Variants in CTNNA2 observed in about 807,000 individuals in gnomAD.
CTNNA2 encodes the protein catenin alpha 2.
A neutral mutation model predicts 101.0 loss-of-function variants in CTNNA2; 42 were observed. The observed-to-expected ratio is 0.42, with a 90% confidence interval of 0.32 to 0.54. The LOEUF is 0.54. Among genes scored for constraint, CTNNA2 ranks in the 20% least tolerant of loss-of-function variants. The pLI is 0.14. For missense variants in CTNNA2, 871 were observed against 1,223.1 expected (o/e 0.71, Z 4.29); for synonymous variants, 450 against 456.4 (o/e 0.99, Z 0.18).
intron 7 of CTNNA2, among the ~76,000 whole-genome samples, chr2:79,923,876 T>G (rs947581209): frequency 3.3e-5 from 5 of 152,098 alleles, no homozygotes; most frequent in Admixed American, 1.3e-4. Flanking sequence ...GAAAGTAAAT[T>G]AGTGCAGCTA....
chr2:79,221,618 A>T (rs555788182), intron 2 of CTNNA2, among the ~76,000 whole-genome samples: 17 of 152,058 alleles, frequency 1.1e-4, no homozygotes, highest in African/African-American at 3.9e-4. Context: ...TTTTTTTTTA[A>T]AAAACTGACA....
chr2:79,564,583 T>C (rs1016045351), intron 1 of CTNNA2, among the ~76,000 whole-genome samples: 56 of 152,344 alleles, frequency 3.7e-4, no homozygotes, highest in Admixed American at 1.1e-3. Flanking sequence ...CACATTTGCA[T>C]TGAATTCCAT....
chr2:79,325,915 GGT>G (rs1676734905), intron 3 of CTNNA2, among the ~76,000 whole-genome samples: 1 of 152,074 alleles, frequency 6.6e-6, no homozygotes, highest in African/African-American at 2.4e-5. Flanking sequence ...TAGGAATGTG[GGT>G]GTGTGAAATG....
chr2:79,639,816 T>C (rs1007770991), intron 1 of CTNNA2, among the ~76,000 whole-genome samples: 1 of 152,122 alleles, frequency 6.6e-6, no homozygotes, highest in Non-Finnish European at 1.5e-5. Flanking sequence ...AAAGAGAGAA[T>C]ATCGAAGGCA....
At chr2:80,468,505 A>G (rs11687410) in intron 9 of CTNNA2, among the ~76,000 whole-genome samples, 62,580 of 151,858 alleles carry the variant, frequency 0.41, 14,607 homozygotes, top group East Asian at 0.66. Context: ...TGCAACCTCC[A>G]CCTCCCGGTT....
intron 1 of CTNNA2, among the ~76,000 whole-genome samples, chr2:79,566,792 T>A (rs2104175471): frequency 6.6e-6 from 1 of 152,292 alleles, no homozygotes; most frequent in African/African-American, 2.4e-5. Flanking sequence ...CCCGGTGTGA[T>A]AATATGAAAT....
At chr2:79,441,986 A>G (rs1340162650) in intron 4 of CTNNA2, among the ~76,000 whole-genome samples, 2 of 151,990 alleles carry the variant, frequency 1.3e-5, no homozygotes, top group Admixed American at 6.6e-5. Flanking sequence ...GCCCAAATTC[A>G]CCCCTTTAGA....
At chr2:80,087,376 T>C (rs1699508087) in intron 7 of CTNNA2, among the ~76,000 whole-genome samples, 1 of 152,094 alleles carries the variant, frequency 6.6e-6, no homozygotes, top group Non-Finnish European at 1.5e-5. Context: ...GCAATATATG[T>C]CTGTTTCCAT....
chr2:79,903,760 G>A (rs1685227672), intron 6 of CTNNA2, among the ~76,000 whole-genome samples: 1 of 152,298 alleles, frequency 6.6e-6, no homozygotes, highest in East Asian at 1.9e-4. Flanking sequence ...TCCCAGTCAG[G>A]CCAGTGGGGA....
At position 80,565,746 on chromosome 2, in the gene CTNNA2, T is replaced by C. The variant is rs139834181; in HGVS notation, c.1742-8417T>C. 2.4e-3 allele frequency among the ~76,000 whole-genome samples: 358 copies of C among 152,234 alleles called. 3 individuals carry two copies. Among genetic ancestry groups the C allele is most frequent in the African/African-American group, 7.2e-3 (299 of 41,548 alleles). On this transcript the variant is annotated intron_variant, in intron 12 of 18. Coordinates refer to ENST00000402739, the MANE Select transcript of CTNNA2 (RefSeq NM_001282597.3). ...GTTTGTAAGTGCCTCCAAAGCATAATGTATTTGTGTTATTTACCACTCGAT... is the reference window on the plus strand; with the variant it reads ...GTTTGTAAGTGCCTCCAAAGCATAACGTATTTGTGTTATTTACCACTCGAT...
At chr2:79,230,558 T>C (rs1475432957) in intron 2 of CTNNA2, among the ~76,000 whole-genome samples, 3 of 152,228 alleles carry the variant, frequency 2.0e-5, no homozygotes, top group Admixed American at 2.0e-4. Context: ...ACTTCTGCTA[T>C]GGCAGTGCGG....
At chr2:80,082,483 G>C (rs1354502629) in intron 7 of CTNNA2, among the ~76,000 whole-genome samples, 1 of 152,000 alleles carries the variant, frequency 6.6e-6, no homozygotes, top group Non-Finnish European at 1.5e-5. Context: ...AAGATTTTTT[G>C]GCATCTATTT....
At chr2:79,943,350 T>C (rs1203476462) in intron 7 of CTNNA2, among the ~76,000 whole-genome samples, 1 of 152,192 alleles carries the variant, frequency 6.6e-6, no homozygotes, top group African/African-American at 2.4e-5. Flanking sequence ...TCAGTTACTA[T>C]TGGAGACCCA....
intron 18 of CTNNA2, among the ~76,000 whole-genome samples, chr2:80,627,685 TTG>T (rs1298821390): frequency 6.6e-6 from 1 of 152,192 alleles, no homozygotes; most frequent in Admixed American, 6.5e-5. Context: ...ATAGTTTCCT[TTG>T]CTGTGCAGAA....
intron 2 of CTNNA2, among the ~76,000 whole-genome samples, chr2:79,742,204 A>G (rs1288570844): frequency 6.6e-6 from 1 of 152,206 alleles, no homozygotes; most frequent in East Asian, 1.9e-4. Flanking sequence ...AAGGCTAGAA[A>G]TGTGTCGGCC....
chr2:79,982,200 A>G (rs1334791404), intron 7 of CTNNA2, among the ~76,000 whole-genome samples: 2 of 17,638 alleles, frequency 1.1e-4, no homozygotes, highest in Non-Finnish European at 2.5e-4. Flanking sequence ...CACTATATAT[A>G]TATATATATA....
At chr2:79,650,427 CT>C (rs1396846488) in intron 1 of CTNNA2, among the ~76,000 whole-genome samples, 1 of 151,998 alleles carries the variant, frequency 6.6e-6, no homozygotes, top group Non-Finnish European at 1.5e-5. Context: ...GACTGAAACT[CT>C]TGTCCCAAGG....
intron 15 of CTNNA2, among the ~76,000 whole-genome samples, chr2:80,598,589 A>G (rs967695202): frequency 3.3e-5 from 5 of 152,182 alleles, no homozygotes; most frequent in Non-Finnish European, 7.4e-5. Flanking sequence ...ATAAACAATT[A>G]CGTCAGGTTT....
intron 14 of CTNNA2, among the ~76,000 whole-genome samples, chr2:80,587,463 ATTAT>A (rs1054801292): frequency 2.6e-5 from 4 of 152,140 alleles, no homozygotes; most frequent in Admixed American, 1.3e-4. Flanking sequence ...AAAAACACAT[ATTAT>A]TTAATTTGCT....
Sources: allele counts gnomAD v4.1 joint callset (sites outside exome capture counted in the v4.1 genomes callset), GRCh38; gene constraint gnomAD v4.1.1; transcripts MANE v1.5; gene names NCBI Gene and HGNC (gene_info 2026-07-23, HGNC 2026-07-21).